Variants in NR6A1 observed in about 807,000 individuals in gnomAD.
NR6A1 encodes retinoic acid receptor-related testis-associated receptor.
In NR6A1, 7 loss-of-function variants were observed where a neutral mutation model predicts 59.1. The ratio of observed to expected loss-of-function variants is 0.12; its 90% CI spans 0.07 to 0.22. NR6A1 has a LOEUF of 0.22. Among genes scored for constraint, NR6A1 ranks in the 10% least tolerant of loss-of-function variants. The pLI, the probability that NR6A1 is intolerant of heterozygous loss-of-function variation, is 1.00. For synonymous variants in NR6A1, 243 were observed against 236.1 expected, an observed-to-expected ratio of 1.03 and a Z score of -0.27; for missense variants, 468 against 611.6, an observed-to-expected ratio of 0.77 and a Z score of 2.48.
At position 124,616,402 on chromosome 9, in the gene NR6A1, CAAAAAA is replaced by C. The variant is rs71372978; in HGVS notation, c.143-61838_143-61833del. ...TGGGCGACAAAGCGGGACTCCATCT[CAAAAAA>C]AAAAAAAAAAAAAGAAAAGAACTAG... On this transcript the variant is annotated intron_variant, in intron 2 of 9. Coordinates refer to ENST00000487099, the MANE Select transcript of NR6A1 (RefSeq NM_033334.4). 5.9e-5 allele frequency among the ~76,000 whole-genome samples: 4 copies of C among 68,298 alleles called. No homozygotes were observed. In the South Asian group the frequency reaches 1.5e-3, roughly 26 times the overall value. The allele number at this position is 68,298 out of a possible 152,430, so 44.8% of individuals were successfully genotyped here. A position where few individuals can be genotyped will look rare whatever the true frequency, so the allele number is the denominator to read the frequency against.
At chr9:124,548,608 G>C (rs974670719) in intron 3 of NR6A1, among the ~76,000 whole-genome samples, 3 of 152,146 alleles carry the variant, frequency 2.0e-5, no homozygotes, top group Non-Finnish European at 4.4e-5. Flanking sequence ...ATCCCTCCTT[G>C]AGATTTCTCA....
chr9:124,714,896 G>T (rs144272007), intron 2 of NR6A1, among the ~76,000 whole-genome samples: 1 of 152,044 alleles, frequency 6.6e-6, no homozygotes, highest in African/African-American at 2.4e-5. Flanking sequence ...CACTGACTTC[G>T]TAGATTAGAA....
At chr9:124,738,726 C>T (rs1281989182) in intron 1 of NR6A1, among the ~76,000 whole-genome samples, 7 of 151,792 alleles carry the variant, frequency 4.6e-5, no homozygotes, top group South Asian at 2.1e-4. Flanking sequence ...AAAATTGGGC[C>T]GGGTGCAGCG....
chr9:124,598,930 G>A (rs1835363003), intron 2 of NR6A1: 1 of 701,728 alleles, frequency 1.4e-6, no homozygotes, highest in East Asian at 2.8e-5. Flanking sequence ...GGCACTCGTC[G>A]TTCCAGACTC....
chr9:124,581,068 T>C (rs906924479), intron 2 of NR6A1, among the ~76,000 whole-genome samples: 9 of 151,778 alleles, frequency 5.9e-5, no homozygotes, highest in African/African-American at 1.9e-4. Flanking sequence ...ATGCAGAAAA[T>C]TGAAATTGGA....
At chr9:124,578,011 T>C (rs1447495208) in intron 2 of NR6A1, among the ~76,000 whole-genome samples, 6 of 152,228 alleles carry the variant, frequency 3.9e-5, no homozygotes, top group Non-Finnish European at 5.9e-5. Flanking sequence ...TGGAAGAAAC[T>C]GGACAAACAT....
chr9:124,573,341 C>T (rs991140915), intron 2 of NR6A1, among the ~76,000 whole-genome samples: 1 of 152,216 alleles, frequency 6.6e-6, no homozygotes, highest in Non-Finnish European at 1.5e-5. Flanking sequence ...CACTAGCATA[C>T]TTCCATAAGT....
intron 2 of NR6A1, among the ~76,000 whole-genome samples, chr9:124,568,169 CAA>C (rs34652433): frequency 0.029 from 891 of 30,336 alleles, 5 homozygotes; most frequent in African/African-American, 0.086. Flanking sequence ...TACTTCATCT[CAA>C]AAAAAAAAAA....
chr9:124,629,393 TTA>T (rs796193250), intron 2 of NR6A1, among the ~76,000 whole-genome samples: 34 of 143,778 alleles, frequency 2.4e-4, no homozygotes, highest in African/African-American at 8.6e-4. Context: ...TGCAATTGAA[TTA>T]GTTTCAAAAC....
intron 1 of NR6A1, among the ~76,000 whole-genome samples, chr9:124,733,617 C>T (rs1010040214): frequency 1.3e-5 from 2 of 152,164 alleles, no homozygotes; most frequent in Non-Finnish European, 2.9e-5. Context: ...GGCCTTGCCA[C>T]ACAGTAGGAG....
intron 2 of NR6A1, among the ~76,000 whole-genome samples, chr9:124,687,083 T>G (rs915966597): frequency 9.9e-5 from 15 of 151,700 alleles, no homozygotes; most frequent in Non-Finnish European, 2.2e-4. Context: ...ATTTGCTATC[T>G]CAGTTACTTG....
At chr9:124,619,385 T>TAC (rs1434295520) in intron 2 of NR6A1, among the ~76,000 whole-genome samples, 1 of 152,248 alleles carries the variant, frequency 6.6e-6, no homozygotes, top group East Asian at 1.9e-4. Flanking sequence ...TGCCTTGGCC[T>TAC]ACCAAGTAGT....
intron 2 of NR6A1, among the ~76,000 whole-genome samples, chr9:124,688,515 C>T (rs1838416184): frequency 1.3e-5 from 2 of 152,140 alleles, no homozygotes; most frequent in South Asian, 4.1e-4. Context: ...TGGTACAGAA[C>T]TTGGTGAAGT....
intron 1 of NR6A1, among the ~76,000 whole-genome samples, chr9:124,767,125 C>T (rs1840954664): frequency 6.6e-6 from 1 of 152,068 alleles, no homozygotes; most frequent in South Asian, 2.1e-4. Context: ...CCACCTTTGC[C>T]CCAAAACCCT....
At chr9:124,697,249 C>G (rs542082499) in intron 2 of NR6A1, among the ~76,000 whole-genome samples, 1 of 152,286 alleles carries the variant, frequency 6.6e-6, no homozygotes, top group East Asian at 1.9e-4. Context: ...AAAAAGGTAA[C>G]AAATACTTAT....
chr9:124,605,499 AAG>A (rs1281448088), intron 2 of NR6A1, among the ~76,000 whole-genome samples: 1 of 152,144 alleles, frequency 6.6e-6, no homozygotes, highest in African/African-American at 2.4e-5. Flanking sequence ...GTGACAGAGC[AAG>A]AGTGAGAGTC....
At chr9:124,563,725 T>C (rs1236008717) in intron 2 of NR6A1, among the ~76,000 whole-genome samples, 1 of 152,212 alleles carries the variant, frequency 6.6e-6, no homozygotes, top group Non-Finnish European at 1.5e-5. Flanking sequence ...TGATATGTAT[T>C]CAGTAGAAAC....
intron 2 of NR6A1, among the ~76,000 whole-genome samples, chr9:124,673,793 T>C (rs550286178): frequency 1.6e-4 from 25 of 152,268 alleles, no homozygotes; most frequent in Admixed American, 5.2e-4. Flanking sequence ...AATTTCTCTA[T>C]TGTGAGCGCC....
At chr9:124,737,122 C>A (rs1451706160) in intron 1 of NR6A1, among the ~76,000 whole-genome samples, 3 of 152,140 alleles carry the variant, frequency 2.0e-5, no homozygotes, top group Non-Finnish European at 4.4e-5. Context: ...CTGTAAAGTG[C>A]TTGATGTGGT....
Sources: gnomAD v4.1 joint callset for allele counts (sites outside exome capture counted in the v4.1 genomes callset) on GRCh38, gnomAD v4.1.1 for gene constraint, MANE v1.5 for transcripts, NCBI Gene and HGNC (gene_info 2026-07-23, HGNC 2026-07-21) for gene names.